TOX3: variants seen among roughly 807,000 people sequenced by gnomAD.
TOX3 encodes CAG trinucleotide repeat-containing gene F9 protein.
A neutral mutation model predicts 64.3 loss-of-function variants in TOX3; 22 were observed. That is an observed-to-expected ratio of 0.34 (90% CI 0.24 to 0.49). The LOEUF is 0.49. Ranked by LOEUF, TOX3 falls within the 20% of genes least tolerant of loss-of-function variation. The pLI, the probability that TOX3 is intolerant of heterozygous loss-of-function variation, is 0.99. For missense variants in TOX3, 661 were observed against 714.4 expected, an observed-to-expected ratio of 0.93 and a Z score of 0.85; for synonymous variants, 291 against 273.6, an observed-to-expected ratio of 1.06 and a Z score of -0.63.
chr16:52,505,519 A>C (rs1212581181), intron 1 of TOX3, among the ~76,000 whole-genome samples: 3 of 152,224 alleles, frequency 2.0e-5, no homozygotes, highest in Admixed American at 6.5e-5. Context: ...CAATATCACT[A>C]GATTGGGTTT....
At chr16:52,545,867 C>T (rs1963166460) in intron 1 of TOX3, among the ~76,000 whole-genome samples, 1 of 152,178 alleles carries the variant, frequency 6.6e-6, no homozygotes. Flanking sequence ...CTGAGGTCCA[C>T]CTCGCCACCT....
At chr16:52,520,201 A>G (rs754317654) in intron 1 of TOX3, among the ~76,000 whole-genome samples, 4 of 152,214 alleles carry the variant, frequency 2.6e-5, no homozygotes, top group Non-Finnish European at 4.4e-5. Context: ...TTCTAAATAT[A>G]TTTAAAAACT....
intron 1 of TOX3, among the ~76,000 whole-genome samples, chr16:52,478,424 G>C (rs928010580): frequency 1.3e-5 from 2 of 152,168 alleles, no homozygotes; most frequent in African/African-American, 4.8e-5. Flanking sequence ...TCCCAGGTCA[G>C]CTTAGCTAAA....
At chr16:52,440,360 T>G (rs1431752424) in intron 6 of TOX3, among the ~76,000 whole-genome samples, 1 of 152,108 alleles carries the variant, frequency 6.6e-6, no homozygotes, top group Non-Finnish European at 1.5e-5. Flanking sequence ...CCCTCCAACA[T>G]GCAAGCTGAC....
At chr16:52,476,164 G>T (rs781650836) in intron 1 of TOX3, among the ~76,000 whole-genome samples, 5 of 152,074 alleles carry the variant, frequency 3.3e-5, no homozygotes, top group Middle Eastern at 3.2e-3. Context: ...CATATCACCA[G>T]GAGAAAGGAT....
intron 1 of TOX3, 90 bp downstream of exon 1, chr16:52,546,547 A>G: frequency 8.3e-7 from 1 of 1,211,182 alleles, no homozygotes; most frequent in Non-Finnish European, 1.1e-6. Context: ...GGCCAAAGAA[A>G]AGTGCAGCAG....
intron 5 of TOX3, chr16:52,445,665 GC>G: frequency 4.1e-6 from 1 of 245,498 alleles, no homozygotes; most frequent in Non-Finnish European, 7.9e-6. Flanking sequence ...CCTTTGTAGT[GC>G]CCTTTTTGAA....
chr16:52,439,931 G>C lies in TOX3; in HGVS notation c.1025C>G (p.Ser342Cys), dbSNP rs917213996. 1.3e-6 allele frequency: 2 copies of C among 1,590,944 alleles called. No homozygotes were observed. The highest frequency in any genetic ancestry group is 1.7e-6 in the Non-Finnish European group (2 of 1,166,562). ...AESAEAQTIRSVQQTLASTNL... is the reference protein window; with the variant it reads ...AESAEAQTIRCVQQTLASTNL... ...GGTCGACGCCAGGGTCTGCTGAACA[G>C]AACGGATGGTCTGGGCTTCTGCTGA... Residue 342 changes from serine (S) to cysteine (C), a missense_variant, in exon 7 of 7, where the codon TCT becomes TGT. Physicochemically the swap from Ser to Cys is moderately radical, Grantham distance 112. This residue lies in a region of TOX3 where 299 missense variants were observed against 292.1 expected (regional missense o/e 1.02). Transcript: ENST00000219746.
chr16:52,499,133 C>A lies in TOX3; in HGVS notation c.88-30559G>T, dbSNP rs1961934725. 2.6e-5 allele frequency among the ~76,000 whole-genome samples: 4 copies of A among 152,270 alleles called. No homozygotes were observed. In the South Asian group the frequency reaches 8.3e-4, roughly 32 times the overall value. On this transcript the variant is annotated intron_variant, in intron 1 of 6. Coordinates refer to ENST00000219746, the MANE Select transcript of TOX3 (RefSeq NM_001080430.4). ...AAATTGCTATTATAACACAAAGCTA[C>A]TAATATGATTCACAAGACCCCCTGG...
intron 3 of TOX3, among the ~76,000 whole-genome samples, chr16:52,457,587 T>G (rs1596787141): frequency 6.6e-6 from 1 of 152,338 alleles, no homozygotes; most frequent in African/African-American, 2.4e-5. Flanking sequence ...TAAAAATTAC[T>G]TTGTATTCAT....
chr16:52,538,452 C>T (rs1158424655), intron 1 of TOX3, among the ~76,000 whole-genome samples: 1 of 152,086 alleles, frequency 6.6e-6, no homozygotes, highest in African/African-American at 2.4e-5. Context: ...TACAGTTATA[C>T]TACATCCATT....
In TOX3 at chr16:52,439,182, C is replaced by T. The variant is rs762110492; in HGVS notation, c.*43G>A. 21 of 1,612,572 alleles carry T rather than the reference C, an allele frequency of 1.3e-5. No individual in the cohort carries two copies. The highest frequency in any genetic ancestry group is 1.7e-5 in the Non-Finnish European group (20 of 1,179,348). On this transcript the variant is annotated 3_prime_UTR_variant, in exon 7 of 7. Transcript: ENST00000219746. ...GCCACATATGCTTTTCCCTCCTATGCCACTCTCCTTGGTATACGCAAATCC... is the reference window on the plus strand; with the variant it reads ...GCCACATATGCTTTTCCCTCCTATGTCACTCTCCTTGGTATACGCAAATCC...
rs1960152476 is a variant in TOX3, at chr16:52,446,040, T to C, written c.860A>G (p.Lys287Arg). 2 of 1,613,840 alleles carry C rather than the reference T, an allele frequency of 1.2e-6. No homozygotes were observed. Among genetic ancestry groups the C allele is most frequent in the Non-Finnish European group, 1.7e-6 (2 of 1,179,844 alleles). Residue 287 changes from lysine to arginine, a missense_variant, in exon 5 of 7, where the codon AAA (lysine) becomes AGA (arginine). Lys to Arg is a conservative substitution (Grantham distance 26). This residue lies in a region of TOX3 where 103 missense variants were observed against 161.2 expected (regional missense o/e 0.64). Coordinates refer to ENST00000219746, the MANE Select transcript of TOX3 (RefSeq NM_001080430.4). Reference protein sequence around the residue: ...NPNATFGEVSKIVASMWDSLG... With the variant: ...NPNATFGEVSRIVASMWDSLG... ...GCTGTCCCACATAGATGCTACAATT[T>C]TTGAGACCTCTCCAAAGGTTGCATT...
chr16:52,468,720 G>C (rs1198349604), intron 1 of TOX3, 146 bp from the exon 2 acceptor site: 5 of 604,382 alleles, frequency 8.3e-6, no homozygotes, highest in African/African-American at 3.8e-5. Flanking sequence ...AGGCTATACT[G>C]TCAGCTGGTT....
intron 1 of TOX3, among the ~76,000 whole-genome samples, chr16:52,519,923 G>A (rs151044423): frequency 1.3e-5 from 2 of 150,762 alleles, no homozygotes; most frequent in Admixed American, 6.6e-5. Flanking sequence ...GTGAGCACTG[G>A]TCACACCACT....
Position 52,515,931 on chromosome 16 carries a change from C to CT in TOX3, c.87+30705dup, listed in dbSNP as rs557228447. 9.3e-4 allele frequency among the ~76,000 whole-genome samples: 141 copies of CT among 151,704 alleles called. 3 individuals carry two copies. The South Asian group carries it at 0.028, about 30-fold the overall frequency. Reference sequence around the variant, plus strand: ...CTTGAAAATATAAACAGCACAATTACTTTTTTCTCTTTTCTTTCCCATTTG... The same window carrying CT: ...CTTGAAAATATAAACAGCACAATTACTTTTTTTCTCTTTTCTTTCCCATTTG... On this transcript the variant is annotated intron_variant, in intron 1 of 6. Transcript: ENST00000219746.
intron 1 of TOX3, among the ~76,000 whole-genome samples, chr16:52,515,563 T>C (rs1310341696): frequency 6.6e-6 from 1 of 152,176 alleles, no homozygotes; most frequent in Non-Finnish European, 1.5e-5. Context: ...AGTTTAAAAA[T>C]AACAGTCATT....
At chr16:52,450,708 C>G (rs1960314473) in intron 3 of TOX3, among the ~76,000 whole-genome samples, 162 bp from the exon 4 acceptor site, 1 of 151,584 alleles carries the variant, frequency 6.6e-6, no homozygotes, top group South Asian at 2.1e-4. Flanking sequence ...ATATAAGGAC[C>G]CATGCCAAGA....
At chr16:52,532,033 A>C (rs181318947) in intron 1 of TOX3, among the ~76,000 whole-genome samples, 1 of 152,340 alleles carries the variant, frequency 6.6e-6, no homozygotes, top group Non-Finnish European at 1.5e-5. Flanking sequence ...GTGGGGATAC[A>C]GGTTGCCCTC....
Sources: gnomAD v4.1 joint callset for allele counts (sites outside exome capture counted in the v4.1 genomes callset) on GRCh38, gnomAD v4.1.1 for gene constraint, gnomAD v4.1.1 regional missense constraint, MANE v1.5 for transcripts, NCBI Gene and HGNC (gene_info 2026-07-23, HGNC 2026-07-21) for gene names.